KIAA1958: variants seen among roughly 807,000 people sequenced by gnomAD.
KIAA1958 encodes the protein KIAA1958.
In KIAA1958, 14 loss-of-function variants were observed where a neutral mutation model predicts 47.2. The observed-to-expected ratio is 0.30, with a 90% CI of 0.20 to 0.46. KIAA1958 has a LOEUF of 0.46. KIAA1958 is among the 20% of genes least tolerant of loss of function. The pLI, the probability that KIAA1958 is intolerant of heterozygous loss-of-function variation, is 1.00. For missense variants in KIAA1958, 803 were observed against 909.2 expected (o/e 0.88, Z 1.50); for synonymous variants, 354 against 353.3 (o/e 1.00, Z -0.02).
At chr9:112,541,587 AGAGGTCAG>A (rs1834944630) in intron 1 of KIAA1958, among the ~76,000 whole-genome samples, 1 of 152,040 alleles carries the variant, frequency 6.6e-6, no homozygotes, top group Admixed American at 6.6e-5. Context: ...GCAGATCACC[AGAGGTCAG>A]GAGTTCGAGA....
In KIAA1958 at chr9:112,486,947, C is replaced by T. The variant is rs536919014; in HGVS notation, c.-196C>T. 625 of 165,626 alleles carry T rather than the reference C, an allele frequency of 3.8e-3. 3 individuals are homozygous for T. Among genetic ancestry groups the T allele is most frequent in the African/African-American group, 0.014 (593 of 41,110 alleles). 10.3% of individuals were successfully genotyped at this position (165,626 alleles called of 1,614,324 possible). On this transcript the variant is annotated 5_prime_UTR_variant, in exon 1 of 4. Transcript: ENST00000337530. The stretch of plus-strand genomic sequence containing the variant: ...CCCCCCGCCCCGCTCCTCGGTCCGC[C>T]GCCCGCCGGGCGCCTTCCCCGCTCC...
At chr9:112,489,622 A>T (rs1833928599) in intron 1 of KIAA1958, among the ~76,000 whole-genome samples, 1 of 152,176 alleles carries the variant, frequency 6.6e-6, no homozygotes, top group Non-Finnish European at 1.5e-5. Flanking sequence ...TGAGGAAAGC[A>T]TATAAATTAT....
chr9:112,498,836 A>G (rs960476151), intron 1 of KIAA1958, among the ~76,000 whole-genome samples: 1 of 152,176 alleles, frequency 6.6e-6, no homozygotes, highest in Non-Finnish European at 1.5e-5. Flanking sequence ...GCAGAATACC[A>G]GAGCTCATTC....
intron 2 of KIAA1958, among the ~76,000 whole-genome samples, chr9:112,615,477 T>G (rs568844320): frequency 6.6e-6 from 1 of 151,202 alleles, no homozygotes; most frequent in South Asian, 2.1e-4. Flanking sequence ...CATGATATGA[T>G]TTGATAATAT....
At chr9:112,524,359 G>A (rs1464033322) in intron 1 of KIAA1958, among the ~76,000 whole-genome samples, 2 of 152,222 alleles carry the variant, frequency 1.3e-5, no homozygotes, top group African/African-American at 4.8e-5. Flanking sequence ...GGCGTGCTCC[G>A]CGCTTGAAGG....
chr9:112,591,594 C>T (rs944795277), intron 2 of KIAA1958, among the ~76,000 whole-genome samples: 4 of 151,150 alleles, frequency 2.6e-5, no homozygotes, highest in African/African-American at 7.3e-5. Flanking sequence ...ACATATTATT[C>T]TTAAAAAGCA....
chr9:112,579,831 T>C (rs1835708311), intron 2 of KIAA1958, among the ~76,000 whole-genome samples: 1 of 152,210 alleles, frequency 6.6e-6, no homozygotes, highest in Non-Finnish European at 1.5e-5. Context: ...GTTTCTCTTG[T>C]CAGAAGCAAA....
chr9:112,607,583 G>T (rs1230429311), intron 2 of KIAA1958, among the ~76,000 whole-genome samples: 1 of 152,012 alleles, frequency 6.6e-6, no homozygotes, highest in East Asian at 1.9e-4. Flanking sequence ...GAGGGAAGTG[G>T]TCTGCCGGTG....
intron 2 of KIAA1958, among the ~76,000 whole-genome samples, chr9:112,592,354 G>C (rs1035224888): frequency 1.7e-4 from 26 of 152,180 alleles, no homozygotes; most frequent in Admixed American, 1.7e-3. Context: ...GGGCACCAGA[G>C]GGAGACCCTG....
At chr9:112,647,780 G>T (rs567728784) in intron 3 of KIAA1958, among the ~76,000 whole-genome samples, 3 of 152,198 alleles carry the variant, frequency 2.0e-5, no homozygotes, top group Non-Finnish European at 4.4e-5. Flanking sequence ...TGAGAGGAGC[G>T]CTGTCATCTC....
intron 2 of KIAA1958, among the ~76,000 whole-genome samples, chr9:112,612,047 TAA>T (rs11345375): frequency 3.0e-4 from 45 of 151,606 alleles, no homozygotes; most frequent in African/African-American, 1.0e-3. Context: ...AAATATATAT[TAA>T]AAAATGTTTA....
chr9:112,589,205 G>A (rs1381480496), intron 2 of KIAA1958, among the ~76,000 whole-genome samples: 1 of 152,196 alleles, frequency 6.6e-6, no homozygotes, highest in African/African-American at 2.4e-5. Flanking sequence ...CTGTTATTGA[G>A]TGATCTTTTC....
intron 1 of KIAA1958, among the ~76,000 whole-genome samples, chr9:112,528,026 A>G (rs1199900387): frequency 6.6e-6 from 1 of 152,068 alleles, no homozygotes; most frequent in Non-Finnish European, 1.5e-5. Flanking sequence ...ATTATCTTCT[A>G]AACAGTTGTC....
intron 2 of KIAA1958, among the ~76,000 whole-genome samples, chr9:112,575,749 T>G (rs745851276): frequency 2.6e-5 from 4 of 152,150 alleles, no homozygotes; most frequent in African/African-American, 7.2e-5. Context: ...TAAAAAGCAA[T>G]GTACATTTCT....
At chr9:112,538,185 A>G (rs1460491901) in intron 1 of KIAA1958, among the ~76,000 whole-genome samples, 1 of 152,004 alleles carries the variant, frequency 6.6e-6, no homozygotes, top group East Asian at 1.9e-4. Flanking sequence ...AAAAAATAAA[A>G]ATAAATAAAA....
chr9:112,519,586 C>T (rs896213696), intron 1 of KIAA1958, among the ~76,000 whole-genome samples: 52 of 152,124 alleles, frequency 3.4e-4, no homozygotes, highest in African/African-American at 1.1e-3. Context: ...CCTAGGTTTG[C>T]CTTCCTTAGT....
chr9:112,646,265 T>C (rs1434909050), intron 3 of KIAA1958, among the ~76,000 whole-genome samples: 2 of 152,218 alleles, frequency 1.3e-5, no homozygotes, highest in South Asian at 4.1e-4. Context: ...AACCCTTAAG[T>C]GCCAGGCTAA....
In KIAA1958 at chr9:112,651,236, A is replaced by T. The variant is rs548653976; in HGVS notation, c.1344+5414A>T. Among the ~76,000 whole-genome samples the T allele has an allele frequency of 8.3e-4, 127 of 152,264 alleles. 1 individual carries two copies. Among genetic ancestry groups the T allele is most frequent in the African/African-American group, 2.9e-3 (121 of 41,566 alleles). On this transcript the variant is annotated intron_variant, in intron 3 of 3. Coordinates refer to ENST00000337530, the MANE Select transcript of KIAA1958 (RefSeq NM_133465.4). ...ACAAATTCTTTCCAAATGCCATGGA[A>T]TATTCACCAAACTAGACCAGTATGG...
chr9:112,528,836 G>A (rs1342342863), intron 1 of KIAA1958, among the ~76,000 whole-genome samples: 1 of 152,034 alleles, frequency 6.6e-6, no homozygotes, highest in Admixed American at 6.6e-5. Context: ...ATTTGTTTTT[G>A]AGTCCCCAGC....
Sources: gnomAD v4.1 joint callset for allele counts (sites outside exome capture counted in the v4.1 genomes callset) on GRCh38, gnomAD v4.1.1 for gene constraint, MANE v1.5 for transcripts, NCBI Gene and HGNC (gene_info 2026-07-23, HGNC 2026-07-21) for gene names.